Variants in MUC5B observed in about 807,000 individuals in gnomAD.
The protein encoded by MUC5B is mucin 5B, oligomeric mucus/gel-forming, also known as mucin-5B.
Under a neutral mutation model 376.9 loss-of-function variants are expected in MUC5B, and 116 were observed. That is an observed-to-expected ratio of 0.31 (90% confidence interval 0.26 to 0.36). The LOEUF (loss-of-function observed/expected upper bound fraction) is 0.36. Among genes scored for constraint, MUC5B ranks in the 10% least tolerant of loss-of-function variants. The pLI, the probability that MUC5B is intolerant of heterozygous loss-of-function variation, is 1.00. For missense variants in MUC5B, 7,165 were observed against 7,769.9 expected (o/e 0.92, Z 2.93); for synonymous variants, 3,517 against 3,390.9 (o/e 1.04, Z -1.29).
chr11:1,229,434 T>A (rs1861970743), intron 9 of MUC5B, 139 bp downstream of exon 9: 2 of 1,103,998 alleles, frequency 1.8e-6, no homozygotes, highest in Non-Finnish European at 2.5e-6. Flanking sequence ...GGAAGGGCAC[T>A]GGCTGGGAGG....
chr11:1,234,328 G>C lies in MUC5B; in HGVS notation c.2478+23G>C. On this transcript the variant is annotated intron_variant, in intron 20 of 48. Coordinates refer to ENST00000529681, the MANE Select transcript of MUC5B (RefSeq NM_002458.3). The surrounding 1 kb of genome is among the most constrained non-coding windows in gnomAD (Gnocchi z 6.3). Reference sequence around the variant, plus strand: ...TGTGTGAGTTCCATGCTTCAGGGAGGGGTGGGCAGGGAAGGGGTCCCAGCT... The same window carrying C: ...TGTGTGAGTTCCATGCTTCAGGGAGCGGTGGGCAGGGAAGGGGTCCCAGCT... The C allele has an allele frequency of 1.3e-6, 2 of 1,545,050 alleles. No individual in the cohort carries two copies. Among genetic ancestry groups the C allele is most frequent in the Non-Finnish European group, 1.8e-6 (2 of 1,130,214 alleles).
Position 1,241,247 on chromosome 11 carries a change from C to T in MUC5B, c.4367C>T (p.Thr1456Ile), listed in dbSNP as rs771718595. The change falls in exon 31 of 49, where the codon ACC becomes ATC. Residue 1456 changes from threonine to isoleucine, a missense_variant. Physicochemically the swap from Thr to Ile is moderately conservative, Grantham distance 89. Transcript: ENST00000529681. ...LSASTEPAVP[T>I]PTQTTATEKT... ...GCCAGCACGGAGCCTGCTGTGCCTA[C>T]CCCAACCCAGACCACAGCAACCGAA... 1 of 1,592,596 alleles carries T rather than the reference C, an allele frequency of 6.3e-7. No homozygotes were observed. The highest frequency in any genetic ancestry group is 8.5e-7 in the Non-Finnish European group (1 of 1,169,940).
At position 1,243,077 on chromosome 11, in the gene MUC5B, G is replaced by A. The variant is rs1258297831; in HGVS notation, c.6197G>A (p.Ser2066Asn). The change falls in exon 31 of 49, where the codon AGC becomes AAC. Residue 2066 changes from serine (S) to asparagine (N), a missense_variant. Ser to Asn is a conservative substitution (Grantham distance 46, BLOSUM62 1). Transcript: ENST00000529681. ...GGCTTCACAGCCACCCCCTCCTCCA[G>A]CCCAGGGACGGCACTCACGCCTCCA... ...TTGFTATPSS[S>N]PGTALTPPVW... 5.6e-6 allele frequency: 9 copies of A among 1,610,592 alleles called. No individual in the cohort carries two copies. In the African/African-American group the frequency reaches 9.4e-5, roughly 17 times the overall value.
In MUC5B at chr11:1,235,433, T is replaced by G; in HGVS notation, c.2880+20T>G. 1 of 1,599,270 alleles carries G rather than the reference T, an allele frequency of 6.3e-7. No homozygotes were observed. Among genetic ancestry groups the G allele is most frequent in the Non-Finnish European group, 8.5e-7 (1 of 1,171,344 alleles). The stretch of plus-strand genomic sequence containing the variant: ...GTGGAGGTGAGAACGGCCCCAGCTG[T>G]GAGCACCCCCGACCCTGCAGCCAAC... On this transcript the variant is annotated intron_variant, in intron 23 of 48. Coordinates refer to ENST00000529681, the MANE Select transcript of MUC5B (RefSeq NM_002458.3).
At chr11:1,237,443 C>T (rs1174044857) in intron 25 of MUC5B, among the ~76,000 whole-genome samples, 3 of 152,230 alleles carry the variant, frequency 2.0e-5, no homozygotes, top group Admixed American at 1.3e-4. Flanking sequence ...GGGCAGCCCT[C>T]TATGTGGCCC....
At position 1,228,722 on chromosome 11, in the gene MUC5B, C is replaced by G. The variant is rs145446448; in HGVS notation, c.933C>G (p.His311Gln). The stretch of plus-strand genomic sequence containing the variant: ...TGGAATACTCACGCCAGTGCGCCCA[C>G]GCGGGGGGCCAGCCGCGGAACTGGA... ...TFVEYSRQCAHAGGQPRNWRC... is the reference protein window; with the variant it reads ...TFVEYSRQCAQAGGQPRNWRC... Residue 311 changes from histidine (H) to glutamine (Q), a missense_variant, in exon 8 of 49, where the codon CAC (histidine) becomes CAG (glutamine). His to Gln is a conservative substitution (Grantham distance 24). Around this residue, in one of 31 missense-constraint regions of MUC5B, gnomAD observed 640 missense variants for 733.0 expected, o/e 0.87. Coordinates refer to ENST00000529681, the MANE Select transcript of MUC5B (RefSeq NM_002458.3). The G allele has an allele frequency of 2.0e-6, 3 of 1,524,844 alleles. No individual in the cohort carries two copies. The highest frequency in any genetic ancestry group is 1.2e-5 in the South Asian group (1 of 83,538). The allele number at this position is 1,524,844 out of a possible 1,614,324, so 94.5% of individuals were successfully genotyped here. A position where few individuals can be genotyped will look rare whatever the true frequency, so the allele number is the denominator to read the frequency against.
Position 1,250,552 on chromosome 11 carries a change from A to T in MUC5B, c.13672A>T (p.Thr4558Ser), listed in dbSNP as rs1248650429. 6.2e-7 allele frequency: 1 copy of T among 1,613,140 alleles called. No homozygotes were observed. Among genetic ancestry groups the T allele is most frequent in the Non-Finnish European group, 8.5e-7 (1 of 1,179,686 alleles). Residue 4558 changes from threonine (T) to serine (S), a missense_variant, in exon 31 of 49, where the codon ACT (threonine) becomes TCT (serine). By Grantham distance (58) the Thr-to-Ser change is moderately conservative. Around this residue, in one of 31 missense-constraint regions of MUC5B, gnomAD observed 730 missense variants for 592.7 expected, o/e 1.23. Transcript: ENST00000529681. ...AGCCACACCCTCCTCCACTCCAGAG[A>T]CTGTCCACACCTCCACAGTGCTTAC... ...STATPSSTPETVHTSTVLTAT... is the reference protein window; with the variant it reads ...STATPSSTPESVHTSTVLTAT...
chr11:1,232,396 A>C, intron 15 of MUC5B, 54 bp from the exon 16 acceptor site: 1 of 1,533,156 alleles, frequency 6.5e-7, no homozygotes, highest in Non-Finnish European at 8.8e-7. Flanking sequence ...CCTGCGTGTC[A>C]GGGGTGTGGG....
intron 9 of MUC5B, 125 bp from the exon 10 acceptor site, chr11:1,229,565 G>A (rs1160372549): frequency 2.2e-6 from 2 of 902,500 alleles, no homozygotes; most frequent in African/African-American, 1.6e-5. Context: ...GCAGCTCAGG[G>A]CGGGGGCGGT....
At position 1,249,160 on chromosome 11, in the gene MUC5B, T is replaced by C; in HGVS notation, c.12280T>C (p.Ser4094Pro). 1 of 1,604,446 alleles carries C rather than the reference T, an allele frequency of 6.2e-7. No individual in the cohort carries two copies. The highest frequency in any genetic ancestry group is 8.5e-7 in the Non-Finnish European group (1 of 1,177,816). ...TTTPGHTTAT[S>P]RTTATATPSK... ...CACCCCGGGCCACACCACGGCCACC[T>C]CCAGGACCACGGCCACGGCCACACC... Residue 4094 changes from serine (S) to proline (P), a missense_variant, in exon 31 of 49, where the codon TCC becomes CCC. Ser to Pro is a moderately conservative substitution (Grantham distance 74, BLOSUM62 -1). Around this residue, in one of 31 missense-constraint regions of MUC5B, gnomAD observed 85 missense variants for 78.2 expected, o/e 1.09. Coordinates refer to ENST00000529681, the MANE Select transcript of MUC5B (RefSeq NM_002458.3).
Position 1,248,529 on chromosome 11 carries a change from G to A in MUC5B, c.11649G>A (p.Thr3883=), listed in dbSNP as rs191833334. 2.3e-5 allele frequency: 37 copies of A among 1,612,616 alleles called. No individual in the cohort carries two copies. Among genetic ancestry groups the A allele is most frequent in the Middle Eastern group, 1.7e-4 (1 of 5,898 alleles). ...TCACCCCCTCCTCCAGCCCAGGGAC[G>A]GCACGCACGCCTCCAGTGTGGATCA... is the stretch of plus-strand genomic sequence containing the variant. ...FTVTPSSSPG[T]ARTPPVWIST... is the part of the protein sequence containing the mutation. Residue 3883 remains threonine, a synonymous_variant, in exon 31 of 49, where the codon ACG becomes ACA. Coordinates refer to ENST00000529681, the MANE Select transcript of MUC5B (RefSeq NM_002458.3).
In MUC5B at chr11:1,249,573, C is replaced by T; in HGVS notation, c.12693C>T (p.Thr4231=). The T allele has an allele frequency of 6.2e-7, 1 of 1,612,820 alleles. No homozygotes were observed. The highest frequency in any genetic ancestry group is 8.5e-7 in the Non-Finnish European group (1 of 1,179,472). Residue 4231 remains threonine, a synonymous_variant, in exon 31 of 49, where the codon ACC becomes ACT. Coordinates refer to ENST00000529681, the MANE Select transcript of MUC5B (RefSeq NM_002458.3). Reference sequence around the variant, plus strand: ...GCAACTACGGCCACTGCCCCAGCACCCCGGCCACCAGCTCTACGGCCATGC... The same window carrying T: ...GCAACTACGGCCACTGCCCCAGCACTCCGGCCACCAGCTCTACGGCCATGC... ...FCCNYGHCPS[T]PATSSTAMPS... is the part of the protein sequence containing the mutation.
Position 1,242,011 on chromosome 11 carries a change from C to T in MUC5B, c.5131C>T (p.Pro1711Ser). The T allele has an allele frequency of 3.2e-6, 5 of 1,586,858 alleles. No homozygotes were observed. Among genetic ancestry groups the T allele is most frequent in the Non-Finnish European group, 4.3e-6 (5 of 1,167,474 alleles). Reference protein sequence around the residue: ...GTTGSLGTWRPSQPPTLAPTT... With the variant: ...GTTGSLGTWRSSQPPTLAPTT... ...GACGGGGAGCTTGGGCACATGGCGC[C>T]CCTCACAGCCACCCACGCTGGCCCC... The change falls in exon 31 of 49, where the codon CCC (proline) becomes TCC (serine). Residue 1711 changes from proline to serine, a missense_variant. Transcript: ENST00000529681.
At chr11:1,240,458 G>C in intron 30 of MUC5B, 83 bp downstream of exon 30, 1 of 1,291,736 alleles carries the variant, frequency 7.7e-7, no homozygotes, top group South Asian at 1.4e-5. Context: ...CAGGTGCCCT[G>C]TATGGTAGCG....
Position 1,232,144 on chromosome 11 carries a change from C to T in MUC5B, c.1827C>T (p.Ser609=). Residue 609 remains serine (S), a synonymous_variant, in exon 15 of 49, where the codon TCC becomes TCT. Transcript: ENST00000529681. The part of the protein sequence containing the change: ...NARNSFEDPC[S]LSVENENYAR... ...GGAACAGCTTTGAGGACCCCTGCTCCCTCAGTGTGGAGAATGGTACTCCTC... is the reference window on the plus strand; with the variant it reads ...GGAACAGCTTTGAGGACCCCTGCTCTCTCAGTGTGGAGAATGGTACTCCTC... 1 of 1,608,380 alleles carries T rather than the reference C, an allele frequency of 6.2e-7. No homozygotes were observed. The highest frequency in any genetic ancestry group is 8.5e-7 in the Non-Finnish European group (1 of 1,177,222).
Position 1,226,856 on chromosome 11 carries a change from C to G in MUC5B, c.441C>G (p.Ser147=), listed in dbSNP as rs371939551. The G allele has an allele frequency of 1.2e-6, 2 of 1,607,388 alleles. No individual in the cohort carries two copies. The highest frequency in any genetic ancestry group is 1.7e-6 in the Non-Finnish European group (2 of 1,179,614). Residue 147 remains serine (S), a synonymous_variant, in exon 4 of 49, where the codon TCC becomes TCG. Transcript: ENST00000529681. ...QGLVLEASNG[S]VLINGQREEL... ...TGGTGCTGGAGGCGTCCAACGGCTC[C>G]GTCCTCATCAATGGGCAGCGGTGAG...
rs769264271 is a variant in MUC5B, at chr11:1,254,104, T to C, written c.15230T>C (p.Met5077Thr). Reference sequence around the variant, plus strand: ...CTCTGTCCCGCAGGCATCTGCAGCATGTGGGGCGGCTCCCACTATTCCACC... The same window carrying C: ...CTCTGTCCCGCAGGCATCTGCAGCACGTGGGGCGGCTCCCACTATTCCACC... ...FHYECECICS[M>T]WGGSHYSTFD... Residue 5077 changes from methionine to threonine, a missense_variant, in exon 34 of 49, where the codon ATG (methionine) becomes ACG (threonine). Physicochemically the swap from Met to Thr is moderately conservative, Grantham distance 81 (BLOSUM62 -1). Around this residue, in one of 31 missense-constraint regions of MUC5B, gnomAD observed 842 missense variants for 1,016.9 expected, o/e 0.83. Transcript: ENST00000529681. The C allele has an allele frequency of 4.3e-6, 7 of 1,612,032 alleles. No individual in the cohort carries two copies. The highest frequency in any genetic ancestry group is 5.9e-6 in the Non-Finnish European group (7 of 1,179,762).
Position 1,248,667 on chromosome 11 carries a change from T to C in MUC5B, c.11787T>C (p.Gly3929=), listed in dbSNP as rs768164179. 1.3e-6 allele frequency: 2 copies of C among 1,594,040 alleles called. No individual in the cohort carries two copies. The highest frequency in any genetic ancestry group is 1.7e-6 in the Non-Finnish European group (2 of 1,173,112). The change falls in exon 31 of 49, where the codon GGT becomes GGC. Residue 3929 remains glycine (G), a synonymous_variant. Coordinates refer to ENST00000529681, the MANE Select transcript of MUC5B (RefSeq NM_002458.3). ...LTTTTTTVAT[G]SMATPSSSTQ... is the part of the protein sequence containing the mutation. The stretch of plus-strand genomic sequence containing the variant: ...CCACCACCACAACTGTGGCCACTGG[T>C]TCTATGGCAACACCCTCCTCTAGCA...
In MUC5B at chr11:1,244,841, G is replaced by A. The variant is rs1223685734; in HGVS notation, c.7961G>A (p.Gly2654Glu). The change falls in exon 31 of 49, where the codon GGG (glycine) becomes GAG (glutamate). Residue 2654 changes from glycine (G) to glutamate (E), a missense_variant. By Grantham distance (98) the Gly-to-Glu change is moderately conservative. This residue lies in a region of MUC5B where 141 missense variants were observed against 111.2 expected (regional missense o/e 1.27). Coordinates refer to ENST00000529681, the MANE Select transcript of MUC5B (RefSeq NM_002458.3). The part of the protein sequence containing the change: ...GSTVTPSSIP[G>E]TTHTPTVLTT... Reference sequence around the variant, plus strand: ...ACGGTGACCCCCTCCTCCATCCCGGGGACCACCCACACCCCCACAGTGCTG... The same window carrying A: ...ACGGTGACCCCCTCCTCCATCCCGGAGACCACCCACACCCCCACAGTGCTG... The A allele has an allele frequency of 1.2e-6, 2 of 1,613,226 alleles. No homozygotes were observed. The highest frequency in any genetic ancestry group is 1.7e-6 in the Non-Finnish European group (2 of 1,179,668).
Sources: gnomAD v4.1 joint callset for allele counts (sites outside exome capture counted in the v4.1 genomes callset) on GRCh38, gnomAD v4.1.1 for gene constraint, gnomAD v4.1.1 regional missense constraint, Gnocchi (gnomAD v3.1) non-coding constraint, MANE v1.5 for transcripts, NCBI Gene and HGNC (gene_info 2026-07-23, HGNC 2026-07-21) for gene names.